The following COG5 variants were observed in gnomAD, a reference collection of about 807,000 sequenced individuals.
The protein encoded by COG5 is conserved oligomeric Golgi complex subunit 5.
In COG5, 86 loss-of-function variants were observed where a neutral mutation model predicts 110.4. The ratio of observed to expected loss-of-function variants is 0.78; its 90% CI spans 0.65 to 0.93. The LOEUF (loss-of-function observed/expected upper bound fraction) is 0.93. Ranked by LOEUF, COG5 falls within the 40% of genes least tolerant of loss-of-function variation. The pLI is 0.00. For missense variants in COG5, 1,077 were observed against 987.0 expected (o/e 1.09, Z -1.22); for synonymous variants, 360 against 334.6 (o/e 1.08, Z -0.83).
In COG5 at chr7:107,533,581, C is replaced by T. The variant is rs746404848; in HGVS notation, c.418-6224G>A. On this transcript the variant is annotated intron_variant, in intron 5 of 21. Transcript: ENST00000297135. The stretch of plus-strand genomic sequence containing the variant: ...AAGGATATCAGAGACTGACGATCAA[C>T]TTAATGAAATAAAGCATGAAGAAAA... Among the ~76,000 whole-genome samples, 16 of 151,394 alleles carry T rather than the reference C, an allele frequency of 1.1e-4. 1 individual carries two copies. Among genetic ancestry groups the T allele is most frequent in the African/African-American group, 3.9e-4 (16 of 40,820 alleles).
At chr7:107,296,686 C>CA (rs1806779586) in intron 12 of COG5, among the ~76,000 whole-genome samples, 1 of 149,864 alleles carries the variant, frequency 6.7e-6, no homozygotes. Context: ...GCTGGGATTA[C>CA]AAGCATGTGT....
chr7:107,426,640 A>G (rs1584808557), intron 6 of COG5, among the ~76,000 whole-genome samples: 1 of 152,160 alleles, frequency 6.6e-6, no homozygotes, highest in South Asian at 2.1e-4. Context: ...TGATGACCTA[A>G]TAACTTCTCA....
chr7:107,481,688 T>C (rs1797357226), intron 6 of COG5, among the ~76,000 whole-genome samples: 1 of 152,184 alleles, frequency 6.6e-6, no homozygotes, highest in African/African-American at 2.4e-5. Context: ...CTCTGTACTT[T>C]AAAAGTCTCA....
chr7:107,404,333 G>A (rs1237841363), intron 7 of COG5, among the ~76,000 whole-genome samples: 2 of 152,100 alleles, frequency 1.3e-5, no homozygotes. Context: ...CATCTATTCA[G>A]GCTAAGAGCC....
intron 6 of COG5, among the ~76,000 whole-genome samples, chr7:107,513,723 A>C (rs1799708368): frequency 6.6e-6 from 1 of 152,216 alleles, no homozygotes; most frequent in African/African-American, 2.4e-5. Context: ...CAGCCATAAA[A>C]AATGAAGAGT....
At position 107,415,874 on chromosome 7, in the gene COG5, ATG is replaced by A. The variant is rs369497637; in HGVS notation, c.539-3244_539-3243del. Among the ~76,000 whole-genome samples the A allele has an allele frequency of 1.6e-3, 96 of 61,294 alleles. 16 individuals are homozygous for A. Among genetic ancestry groups the A allele is most frequent in the East Asian group, 6.6e-3 (19 of 2,862 alleles). The allele number at this position is 61,294 out of a possible 152,430, so 40.2% of individuals were successfully genotyped here. ...TACACACACATACACGTATGTATGT[ATG>A]TGTGTGTATATACACACACATACAC... On this transcript the variant is annotated intron_variant, in intron 6 of 21. Coordinates refer to ENST00000297135, the MANE Select transcript of COG5 (RefSeq NM_006348.5).
chr7:107,419,155 A>C (rs1438825890), intron 6 of COG5, among the ~76,000 whole-genome samples: 1 of 152,190 alleles, frequency 6.6e-6, no homozygotes, highest in Non-Finnish European at 1.5e-5. Flanking sequence ...AATATAATTG[A>C]AAACACAGTA....
chr7:107,487,986 T>C (rs1029593592), intron 6 of COG5, among the ~76,000 whole-genome samples: 1 of 152,104 alleles, frequency 6.6e-6, no homozygotes, highest in African/African-American at 2.4e-5. Context: ...TTTTCAGCAA[T>C]CAACATATGC....
rs767531135 is a variant in COG5 at position 107,522,578 on chromosome 7, C to T, written c.538+4659G>A. Among the ~76,000 whole-genome samples the T allele has an allele frequency of 6.0e-5, 9 of 151,020 alleles. No individual in the cohort carries two copies. The South Asian group carries it at 6.3e-4, about 11-fold the overall frequency. On this transcript the variant is annotated intron_variant, in intron 6 of 21. Transcript: ENST00000297135. ...ACCTGCATGTTCTGCACATGTATCC[C>T]GGAACTTAAAGTAAAATTAAAAATT... is the stretch of plus-strand genomic sequence containing the variant.
chr7:107,336,312 T>C (rs1477937106), intron 10 of COG5, among the ~76,000 whole-genome samples: 1 of 152,206 alleles, frequency 6.6e-6, no homozygotes, highest in East Asian at 1.9e-4. Context: ...TATTGCATAT[T>C]CTTACACTAT....
chr7:107,228,016 T>A (rs1382521337), intron 19 of COG5, among the ~76,000 whole-genome samples: 1 of 152,090 alleles, frequency 6.6e-6, no homozygotes, highest in East Asian at 1.9e-4. Flanking sequence ...CTAGGCCAGG[T>A]GTGGTGGCTT....
chr7:107,396,536 TG>T (rs1170882325), intron 7 of COG5, among the ~76,000 whole-genome samples: 3 of 78,430 alleles, frequency 3.8e-5, no homozygotes, highest in African/African-American at 1.5e-4. Flanking sequence ...GGGTGAGGAG[TG>T]GGGGGTGGGA....
intron 6 of COG5, among the ~76,000 whole-genome samples, chr7:107,434,137 C>G (rs1417434737): frequency 6.6e-6 from 1 of 151,940 alleles, no homozygotes; most frequent in African/African-American, 2.4e-5. Context: ...AGAATGGCCA[C>G]TATTAAAAAA....
At chr7:107,551,457 T>G (rs1428784536) in intron 3 of COG5, among the ~76,000 whole-genome samples, 1 of 152,098 alleles carries the variant, frequency 6.6e-6, no homozygotes, top group African/African-American at 2.4e-5. Flanking sequence ...CTAAAAAAAT[T>G]TTACATATTT....
In COG5 at chr7:107,413,513, T is replaced by C. The variant is rs562587014; in HGVS notation, c.539-881A>G. Among the ~76,000 whole-genome samples, 6 of 149,064 alleles carry C rather than the reference T, an allele frequency of 4.0e-5. 1 individual carries two copies. In the South Asian group the frequency reaches 1.3e-3, roughly 32 times the overall value. Reference sequence around the variant, plus strand: ...CAAACCTGCTTTTCAGTAAGAGACATGTAGCAACAGAGGGAAAAAAACACA... The same window carrying C: ...CAAACCTGCTTTTCAGTAAGAGACACGTAGCAACAGAGGGAAAAAAACACA... On this transcript the variant is annotated intron_variant, in intron 6 of 21. Transcript: ENST00000297135.
At chr7:107,461,234 T>C (rs534051717) in intron 6 of COG5, among the ~76,000 whole-genome samples, 2 of 151,826 alleles carry the variant, frequency 1.3e-5, no homozygotes, top group Non-Finnish European at 2.9e-5. Flanking sequence ...TCTAAAAAGG[T>C]AGTACTATCA....
intron 6 of COG5, among the ~76,000 whole-genome samples, chr7:107,515,647 T>C (rs181744527): frequency 6.6e-6 from 1 of 152,280 alleles, no homozygotes; most frequent in East Asian, 1.9e-4. Flanking sequence ...TGATGAATCC[T>C]TCCTGCCTCA....
intron 19 of COG5, among the ~76,000 whole-genome samples, chr7:107,229,581 ACT>A (rs1177907431): frequency 6.6e-6 from 1 of 152,212 alleles, no homozygotes; most frequent in Non-Finnish European, 1.5e-5. Context: ...CACAGTCATT[ACT>A]CAATGTTATT....
intron 6 of COG5, among the ~76,000 whole-genome samples, chr7:107,446,167 A>G (rs1794995744): frequency 6.6e-6 from 1 of 152,228 alleles, no homozygotes; most frequent in Non-Finnish European, 1.5e-5. Flanking sequence ...TTAACTTATC[A>G]AAAATATCTC....
Sources: gnomAD v4.1 joint callset for allele counts (sites outside exome capture counted in the v4.1 genomes callset) on GRCh38, gnomAD v4.1.1 for gene constraint, MANE v1.5 for transcripts, NCBI Gene and HGNC (gene_info 2026-07-23, HGNC 2026-07-21) for gene names.